Variants in SPACA7 observed in about 807,000 individuals in gnomAD.
SPACA7 encodes the protein sperm acrosome associated 7, also known as sperm acrosome-associated protein 7.
SPACA7 carries 19 observed loss-of-function variants against 26.3 expected under a neutral mutation model. The observed-to-expected ratio is 0.72, with a 90% CI of 0.50 to 1.06. SPACA7 has a LOEUF of 1.06. Ranked by LOEUF, SPACA7 falls within the 50% of genes least tolerant of loss-of-function variation. The probability of loss-of-function intolerance (pLI) is 0.00; values close to 1 mark genes in which losing one functional copy is unlikely to be tolerated. For synonymous variants in SPACA7, 84 were observed against 84.5 expected (o/e 0.99, Z 0.04); for missense variants, 211 against 229.9 (o/e 0.92, Z 0.53).
intron 1 of SPACA7, chr13:112,382,254 T>G: frequency 1.8e-6 from 1 of 541,056 alleles, no homozygotes; most frequent in Non-Finnish European, 3.1e-6. Flanking sequence ...TTTTTGTTGT[T>G]TTGTTTTGTT....
intron 5 of SPACA7, among the ~76,000 whole-genome samples, chr13:112,422,084 A>G (rs1876041383): frequency 6.6e-6 from 1 of 150,656 alleles, no homozygotes; most frequent in African/African-American, 2.5e-5. Context: ...TTGGAGAAAA[A>G]TAAATGTTTT....
chr13:112,392,157 G>A (rs1422887188), intron 1 of SPACA7, among the ~76,000 whole-genome samples: 2 of 152,160 alleles, frequency 1.3e-5, no homozygotes, highest in East Asian at 1.9e-4. Context: ...CCAAAGCAAT[G>A]CCCCAGGACG....
At chr13:112,390,004 C>T (rs762414268) in intron 1 of SPACA7, among the ~76,000 whole-genome samples, 2 of 152,180 alleles carry the variant, frequency 1.3e-5, no homozygotes, top group Non-Finnish European at 2.9e-5. Context: ...TAAAATGCCC[C>T]ACCTGTTTCC....
chr13:112,419,501 G>A (rs2317691), intron 5 of SPACA7, among the ~76,000 whole-genome samples: 39,376 of 152,020 alleles, frequency 0.26, 5,507 homozygotes, highest in South Asian at 0.38. Flanking sequence ...AGCCTCTTGC[G>A]GAGGGGCAGC....
intron 5 of SPACA7, among the ~76,000 whole-genome samples, chr13:112,427,149 T>G (rs1021908327): frequency 6.6e-6 from 1 of 152,216 alleles, no homozygotes; most frequent in Non-Finnish European, 1.5e-5. Flanking sequence ...CAAATATTTT[T>G]TGTACAAAGT....
At chr13:112,407,838 A>G (rs965660498) in intron 5 of SPACA7, among the ~76,000 whole-genome samples, 2 of 152,236 alleles carry the variant, frequency 1.3e-5, no homozygotes, top group African/African-American at 4.8e-5. Flanking sequence ...AATCAATAGA[A>G]AAAGAGGGAA....
At chr13:112,383,155 A>G (rs1884279191) in intron 1 of SPACA7, among the ~76,000 whole-genome samples, 1 of 137,594 alleles carries the variant, frequency 7.3e-6, no homozygotes, top group African/African-American at 2.9e-5. Context: ...GAAAGAAAGA[A>G]AGAAAGAAAG....
At chr13:112,385,082 T>A (rs1884438556) in intron 1 of SPACA7, among the ~76,000 whole-genome samples, 2 of 152,190 alleles carry the variant, frequency 1.3e-5, no homozygotes, top group Admixed American at 1.3e-4. Context: ...TGGCCCCACA[T>A]CAGTATGATT....
intron 1 of SPACA7, among the ~76,000 whole-genome samples, chr13:112,389,803 C>A (rs900410493): frequency 2.0e-5 from 3 of 152,198 alleles, no homozygotes; most frequent in African/African-American, 7.2e-5. Flanking sequence ...ATATTTTTAT[C>A]TGAATTATGT....
rs1032600585 is a variant in SPACA7 at position 112,404,766 on chromosome 13, T to A, written c.445+3602T>A. On this transcript the variant is annotated intron_variant, in intron 5 of 6. Transcript: ENST00000283550. ...ATTTCTGGGTTCTCTATTCTGTTCT[T>A]TTGGTCTATGTGCCTATTTTTATAC... Among the ~76,000 whole-genome samples the A allele has an allele frequency of 4.6e-5, 7 of 152,126 alleles. No homozygotes were observed. In the South Asian group the frequency reaches 1.4e-3, roughly 31 times the overall value.
chr13:112,401,718 C>G (rs528471728), intron 5 of SPACA7, among the ~76,000 whole-genome samples: 1 of 152,326 alleles, frequency 6.6e-6, no homozygotes, highest in East Asian at 1.9e-4. Flanking sequence ...ATTTATAGGA[C>G]TTCATCTGCT....
chr13:112,430,512 C>A (rs4907527), intron 5 of SPACA7, among the ~76,000 whole-genome samples: 40,510 of 152,054 alleles, frequency 0.27, 6,192 homozygotes, highest in Non-Finnish European at 0.35. Flanking sequence ...ATTAAAAATT[C>A]AAATACTAGA....
chr13:112,424,858 C>G (rs894566262), intron 5 of SPACA7, among the ~76,000 whole-genome samples: 2 of 152,120 alleles, frequency 1.3e-5, no homozygotes, highest in Admixed American at 6.5e-5. Flanking sequence ...AGGTATTTCT[C>G]GGTACATCCA....
chr13:112,434,282 C>G (rs763588207), intron 6 of SPACA7, among the ~76,000 whole-genome samples: 68 of 152,172 alleles, frequency 4.5e-4, no homozygotes, highest in Admixed American at 3.2e-3. Context: ...AGGGTGGCCC[C>G]GCAGGGAGAG....
At chr13:112,379,994 T>C (rs902383576) in intron 1 of SPACA7, among the ~76,000 whole-genome samples, 1 of 152,174 alleles carries the variant, frequency 6.6e-6, no homozygotes, top group Non-Finnish European at 1.5e-5. Flanking sequence ...CTCAGTTTTC[T>C]TAAGTAATCA....
At chr13:112,395,083 A>G (rs1396265963) in intron 2 of SPACA7, among the ~76,000 whole-genome samples, 8 of 152,066 alleles carry the variant, frequency 5.3e-5, no homozygotes, top group African/African-American at 1.9e-4. Context: ...ATCACGTGCA[A>G]TGTCAAAGCC....
chr13:112,419,740 G>T (rs1886900478), intron 5 of SPACA7, among the ~76,000 whole-genome samples: 1 of 152,206 alleles, frequency 6.6e-6, no homozygotes, highest in African/African-American at 2.4e-5. Context: ...CATGGGTGCT[G>T]ATCAAACAAC....
chr13:112,397,335 G>A (rs528228359), intron 2 of SPACA7, among the ~76,000 whole-genome samples: 7 of 152,270 alleles, frequency 4.6e-5, no homozygotes, highest in East Asian at 3.9e-4. Context: ...CTGCAGCCTG[G>A]CCTGGTGACT....
chr13:112,418,303 T>G (rs1406092653), intron 5 of SPACA7, among the ~76,000 whole-genome samples: 1 of 152,230 alleles, frequency 6.6e-6, no homozygotes, highest in African/African-American at 2.4e-5. Context: ...TAATTTTCCC[T>G]TATGAAACAT....
Sources: gnomAD v4.1 joint callset for allele counts (sites outside exome capture counted in the v4.1 genomes callset) on GRCh38, gnomAD v4.1.1 for gene constraint, MANE v1.5 for transcripts, NCBI Gene and HGNC (gene_info 2026-07-23, HGNC 2026-07-21) for gene names.